ATP8B2: variants seen among roughly 807,000 people sequenced by gnomAD.
The protein encoded by ATP8B2 is ATPase phospholipid transporting 8B2.
A neutral mutation model predicts 133.4 loss-of-function variants in ATP8B2; 70 were observed. That is an observed-to-expected ratio of 0.52 (90% CI 0.43 to 0.64). The LOEUF is 0.64. Ranked by LOEUF, ATP8B2 falls within the 30% of genes least tolerant of loss-of-function variation. ATP8B2 has a pLI of 0.00. For missense variants in ATP8B2, 1,101 were observed against 1,535.7 expected, an observed-to-expected ratio of 0.72 and a Z score of 4.73; for synonymous variants, 517 against 589.5, an observed-to-expected ratio of 0.88 and a Z score of 1.78.
chr1:154,350,653 AC>A lies in ATP8B2; in HGVS notation c.*1537del. 1 of 152,356 alleles carries A rather than the reference AC, an allele frequency of 6.6e-6. No homozygotes were observed. The highest frequency in any genetic ancestry group is 3.4e-3 in the Middle Eastern group (1 of 294). The allele number at this position is 152,356 out of a possible 1,614,324, so 9.4% of individuals were successfully genotyped here. ...GGTAGTAGAGGAGGATAAGGGCAAAACCAGGCCCAGGCCAGTGCCTGGCTTG... is the reference window on the plus strand; with the variant it reads ...GGTAGTAGAGGAGGATAAGGGCAAAACAGGCCCAGGCCAGTGCCTGGCTTG... On this transcript the variant is annotated 3_prime_UTR_variant, in exon 28 of 28. Coordinates refer to ENST00000368489, the MANE Select transcript of ATP8B2 (RefSeq NM_001370597.1).
chr1:154,331,273 G>T lies in ATP8B2; in HGVS notation c.303+127G>T, dbSNP rs1447759136. The T allele has an allele frequency of 2.5e-5, 29 of 1,143,496 alleles. No individual in the cohort carries two copies. In the Admixed American group the frequency reaches 5.9e-4, roughly 23 times the overall value. 70.8% of individuals were successfully genotyped at this position (1,143,496 alleles called of 1,614,324 possible). The stretch of plus-strand genomic sequence containing the variant: ...ACCTTGACATCCCTTACCCGGTCCA[G>T]CTAGATCCATGATGTCTTTTTGCTG... On this transcript the variant is annotated intron_variant, in intron 5 of 27. Transcript: ENST00000368489. The surrounding 1 kb of genome is among the most constrained non-coding windows in gnomAD (Gnocchi z 4.8).
intron 26 of ATP8B2, 113 bp from the exon 27 acceptor site, chr1:154,348,295 G>A: frequency 8.5e-7 from 1 of 1,181,412 alleles, no homozygotes; most frequent in South Asian, 1.8e-5. Flanking sequence ...TGGAGAAGCG[G>A]GAAGCCAGAG....
chr1:154,329,585 G>A (rs1279703148), intron 2 of ATP8B2, among the ~76,000 whole-genome samples: 1 of 152,104 alleles, frequency 6.6e-6, no homozygotes, highest in Non-Finnish European at 1.5e-5. Flanking sequence ...TTTCAGATAG[G>A]TTTAGCTAGA....
chr1:154,343,440 GC>G lies in ATP8B2; in HGVS notation c.1643-9del. ...AATTTTTCTGGCACTTTCTTCACCT[GC>G]CCCATTCATAGTGCGGAATCCAGAG... On this transcript the variant is annotated splice_polypyrimidine_tract_variant and intron_variant, in intron 16 of 27. Coordinates refer to ENST00000368489, the MANE Select transcript of ATP8B2 (RefSeq NM_001370597.1). The surrounding 1 kb of genome is among the most constrained non-coding windows in gnomAD (Gnocchi z 5.8). 6.2e-7 allele frequency: 1 copy of G among 1,613,106 alleles called. No individual in the cohort carries two copies. The highest frequency in any genetic ancestry group is 8.5e-7 in the Non-Finnish European group (1 of 1,179,308).
chr1:154,328,690 G>C lies in ATP8B2; in HGVS notation c.31+518G>C, dbSNP rs1377704224. ...CTGGCAGGCTGCGGCTCCTGCAGTC[G>C]GGGAGCGGGCGGGGGCGGAACCCTG... On this transcript the variant is annotated intron_variant, in intron 2 of 27. Coordinates refer to ENST00000368489, the MANE Select transcript of ATP8B2 (RefSeq NM_001370597.1). This position sits in a 1 kb window ranked among gnomAD's most constrained non-coding sequence, Gnocchi z 4.6. 2.5e-5 allele frequency: 19 copies of C among 753,082 alleles called. No individual in the cohort carries two copies. The highest frequency in any genetic ancestry group is 5.6e-5 in the African/African-American group (3 of 53,148). The allele number at this position is 753,082 out of a possible 1,614,324, so 46.6% of individuals were successfully genotyped here.
Position 154,334,757 on chromosome 1 carries a change from G to A in ATP8B2, c.837+166G>A, listed in dbSNP as rs1236171567. Among the ~76,000 whole-genome samples, 1 of 151,868 alleles carries A rather than the reference G, an allele frequency of 6.6e-6. No individual in the cohort carries two copies. The highest frequency in any genetic ancestry group is 1.5e-5 in the Non-Finnish European group (1 of 67,996). ...GTTTATTTTAGGCTCCTTTTAGTTG[G>A]AAGATGTTATTTAAAAAAACTTCAG... is the stretch of plus-strand genomic sequence containing the variant. On this transcript the variant is annotated intron_variant, in intron 11 of 27. Transcript: ENST00000368489. This position sits in a 1 kb window ranked among gnomAD's most constrained non-coding sequence, Gnocchi z 4.6.
rs1686660220 is a variant in ATP8B2 at position 154,348,275 on chromosome 1, A to AG, written c.3164-130dup. 4 of 973,340 alleles carry AG rather than the reference A, an allele frequency of 4.1e-6. No individual in the cohort carries two copies. The Admixed American group carries it at 1.2e-4, about 30-fold the overall frequency. The allele number at this position is 973,340 out of a possible 1,614,324, so 60.3% of individuals were successfully genotyped here. ...GCTAAATTTGGAGATTTACATTTGG[A>AG]GGGTGAGCCTGGAGAAGCGGGAAGC... On this transcript the variant is annotated intron_variant, in intron 26 of 27. Transcript: ENST00000368489.
At chr1:154,333,703 C>T (rs1448722719) in intron 9 of ATP8B2, among the ~76,000 whole-genome samples, 3 of 147,714 alleles carry the variant, frequency 2.0e-5, no homozygotes, top group Non-Finnish European at 4.5e-5. Flanking sequence ...GGTGCGATCT[C>T]GGCTCACTGC....
At chr1:154,329,479 G>C (rs773781086) in intron 2 of ATP8B2, among the ~76,000 whole-genome samples, 4 of 152,120 alleles carry the variant, frequency 2.6e-5, no homozygotes, top group Non-Finnish European at 5.9e-5. Flanking sequence ...ATGAGGTCAT[G>C]GTGACCCCCG....
chr1:154,341,199 T>G (rs1192918789), intron 13 of ATP8B2, 137 bp downstream of exon 13: 4 of 910,942 alleles, frequency 4.4e-6, no homozygotes, highest in Non-Finnish European at 6.9e-6. Flanking sequence ...AAAGGGTCCA[T>G]CCTGGCCAGG....
At chr1:154,326,302 C>T (rs932714493) in intron 1 of ATP8B2, among the ~76,000 whole-genome samples, 1 of 152,138 alleles carries the variant, frequency 6.6e-6, no homozygotes, top group Non-Finnish European at 1.5e-5. Context: ...CCCTGACCTG[C>T]CATCCTCCTC....
At position 154,328,769 on chromosome 1, in the gene ATP8B2, G is replaced by T. The variant is rs539432958; in HGVS notation, c.31+597G>T. ...AGCGCACGCTGGCATCCGCCGGGGG[G>T]CATGGGGGGCGGCGGCGGCGGCGCA... On this transcript the variant is annotated intron_variant, in intron 2 of 27. Coordinates refer to ENST00000368489, the MANE Select transcript of ATP8B2 (RefSeq NM_001370597.1). This position sits in a 1 kb window ranked among gnomAD's most constrained non-coding sequence, Gnocchi z 4.6. 6 of 999,704 alleles carry T rather than the reference G, an allele frequency of 6.0e-6. No homozygotes were observed. The highest frequency in any genetic ancestry group is 7.1e-6 in the Non-Finnish European group (6 of 840,358). The allele number at this position is 999,704 out of a possible 1,614,324, so 61.9% of individuals were successfully genotyped here.
At position 154,340,769 on chromosome 1, in the gene ATP8B2, G is replaced by A; in HGVS notation, c.1035-85G>A. On this transcript the variant is annotated intron_variant, in intron 12 of 27. Coordinates refer to ENST00000368489, the MANE Select transcript of ATP8B2 (RefSeq NM_001370597.1). The surrounding 1 kb of genome is among the most constrained non-coding windows in gnomAD (Gnocchi z 4.0). ...CTTCTCCGTTCTTGTCTCTCCCCAG[G>A]CGGAGGGCCTGCAGCGAAGGCCCAT... 7.8e-7 allele frequency: 1 copy of A among 1,285,508 alleles called. No homozygotes were observed. The highest frequency in any genetic ancestry group is 1.5e-5 in the African/African-American group (1 of 68,348). The allele number at this position is 1,285,508 out of a possible 1,614,324, so 79.6% of individuals were successfully genotyped here. A position where few individuals can be genotyped will look rare whatever the true frequency, so the allele number is the denominator to read the frequency against.
Position 154,345,528 on chromosome 1 carries a change from T to C in ATP8B2, c.2677T>C (p.Cys893Arg). The change falls in exon 23 of 28, where the codon TGT becomes CGT. Residue 893 changes from cysteine (C) to arginine (R), a missense_variant. Cys to Arg is a radical substitution (Grantham distance 180). Transcript: ENST00000368489. The surrounding 1 kb of genome is among the most constrained non-coding windows in gnomAD (Gnocchi z 5.6). ...TMVHFWFGFFCGFSAQTVYDQ... is the reference protein window; with the variant it reads ...TMVHFWFGFFRGFSAQTVYDQ... ...GGTCCACTTCTGGTTTGGCTTCTTC[T>C]GTGGCTTCTCAGCCCAGGTAATAAA... 6.2e-7 allele frequency: 1 copy of C among 1,613,192 alleles called. No homozygotes were observed. Among genetic ancestry groups the C allele is most frequent in the Non-Finnish European group, 8.5e-7 (1 of 1,179,568 alleles).
At chr1:154,333,047 C>T (rs757215864) in intron 9 of ATP8B2, among the ~76,000 whole-genome samples, 5 of 152,068 alleles carry the variant, frequency 3.3e-5, no homozygotes, top group South Asian at 4.1e-4. Context: ...CCATGGCTCA[C>T]GCCTGTAATC....
Position 154,346,614 on chromosome 1 carries a change from C to T in ATP8B2, c.3025-6C>T. ...GCGCCTGCCTGACTATGCCTACTTTCTGCAGATTGGGCTCGACACAGGCTA... is the reference window on the plus strand; with the variant it reads ...GCGCCTGCCTGACTATGCCTACTTTTTGCAGATTGGGCTCGACACAGGCTA... On this transcript the variant is annotated splice_polypyrimidine_tract_variant and splice_region_variant and intron_variant, in intron 25 of 27. Coordinates refer to ENST00000368489, the MANE Select transcript of ATP8B2 (RefSeq NM_001370597.1). The surrounding 1 kb of genome is among the most constrained non-coding windows in gnomAD (Gnocchi z 4.5). 1 of 1,614,180 alleles carries T rather than the reference C, an allele frequency of 6.2e-7. No individual in the cohort carries two copies. Among genetic ancestry groups the T allele is most frequent in the Non-Finnish European group, 8.5e-7 (1 of 1,180,000 alleles).
intron 9 of ATP8B2, among the ~76,000 whole-genome samples, chr1:154,333,775 C>T (rs947270489): frequency 2.0e-5 from 3 of 151,698 alleles, no homozygotes; most frequent in African/African-American, 7.3e-5. Flanking sequence ...GCTAGAATTA[C>T]AGGCTCCCAC....
At chr1:154,337,214 G>A in intron 11 of ATP8B2, 134 bp from the exon 12 acceptor site, 1 of 981,320 alleles carries the variant, frequency 1.0e-6, no homozygotes, top group South Asian at 1.7e-5. Context: ...GTGGCCCAGA[G>A]ACCATGGGTT....
rs1686597962 is a variant in ATP8B2 at position 154,346,743 on chromosome 1, C to T, written c.3148C>T (p.Gln1050Ter). 1 of 1,614,192 alleles carries T rather than the reference C, an allele frequency of 6.2e-7. No individual in the cohort carries two copies. ...TGGGCTCTTCGACATGTTTCCCAACCAGTTCCGGTTTGTGGGTAAGTCCCC... is the reference window on the plus strand; with the variant it reads ...TGGGCTCTTCGACATGTTTCCCAACTAGTTCCGGTTTGTGGGTAAGTCCCC... ...SNGLFDMFPN[Q>*]FRFVGNAQNT... The change falls in exon 26 of 28, where the codon CAG (glutamine) becomes TAG (stop). Residue 1050 changes from glutamine (Q) to a stop codon, truncating the protein, a stop_gained. Transcript: ENST00000368489. LOFTEE classifies it high-confidence loss of function. The surrounding 1 kb of genome is among the most constrained non-coding windows in gnomAD (Gnocchi z 4.5).
Sources: gnomAD v4.1 joint callset for allele counts (sites outside exome capture counted in the v4.1 genomes callset) on GRCh38, gnomAD v4.1.1 for gene constraint, Gnocchi (gnomAD v3.1) non-coding constraint, MANE v1.5 for transcripts, NCBI Gene and HGNC (gene_info 2026-07-23, HGNC 2026-07-21) for gene names.